CDK13: variants seen among roughly 807,000 people sequenced by gnomAD.
The protein encoded by CDK13 is cyclin dependent kinase 13, also known as cyclin-dependent kinase 13.
In CDK13, 40 loss-of-function variants were observed where a neutral mutation model predicts 137.6. The observed-to-expected ratio is 0.29, with a 90% confidence interval of 0.23 to 0.38. CDK13 has a LOEUF of 0.38. Ranked by LOEUF, CDK13 falls within the 10% of genes least tolerant of loss-of-function variation. The pLI, the probability that CDK13 is intolerant of heterozygous loss-of-function variation, is 1.00. For synonymous variants in CDK13, 869 were observed against 760.1 expected, an observed-to-expected ratio of 1.14 and a Z score of -2.36; for missense variants, 1,704 against 1,951.8, an observed-to-expected ratio of 0.87 and a Z score of 2.39.
chr7:40,029,152 C>T (rs888850484), intron 5 of CDK13, among the ~76,000 whole-genome samples: 1 of 151,780 alleles, frequency 6.6e-6, no homozygotes, highest in Admixed American at 6.6e-5. Flanking sequence ...AAAGGCTGGG[C>T]GTGGTGGCTC....
intron 5 of CDK13, among the ~76,000 whole-genome samples, chr7:40,035,055 T>G (rs942973341): frequency 6.6e-6 from 1 of 152,176 alleles, no homozygotes; most frequent in East Asian, 1.9e-4. Context: ...TAAAAATCAC[T>G]TATCTGTTCA....
In CDK13 at chr7:39,950,327, G is replaced by T. The variant is rs2116041544; in HGVS notation, c.-315G>T. The T allele has an allele frequency of 1.8e-6, 2 of 1,138,852 alleles. No homozygotes were observed. The highest frequency in any genetic ancestry group is 2.2e-6 in the Non-Finnish European group (2 of 928,890). 70.5% of individuals were successfully genotyped at this position (1,138,852 alleles called of 1,614,324 possible). A position where few individuals can be genotyped will look rare whatever the true frequency, so the allele number is the denominator to read the frequency against. ...CCCCCACCCCCGGGGGCACTTGGAG[G>T]ACTCGGGACTCCCCCGCAGGTCAGC... On this transcript the variant is annotated 5_prime_UTR_variant, in exon 1 of 14. Coordinates refer to ENST00000181839, the MANE Select transcript of CDK13 (RefSeq NM_003718.5).
intron 2 of CDK13, among the ~76,000 whole-genome samples, chr7:39,995,847 G>C (rs1583963608): frequency 6.6e-6 from 1 of 151,808 alleles, no homozygotes; most frequent in South Asian, 2.1e-4. Flanking sequence ...ATCTCTACTA[G>C]AAATACAAAA....
At chr7:39,981,212 AC>A (rs1784215402) in intron 1 of CDK13, among the ~76,000 whole-genome samples, 1 of 152,024 alleles carries the variant, frequency 6.6e-6, no homozygotes, top group Non-Finnish European at 1.5e-5. Context: ...TGCAAAACAT[AC>A]AAAAATTAGT....
intron 9 of CDK13, among the ~76,000 whole-genome samples, chr7:40,073,893 C>CT (rs949573205): frequency 7.1e-6 from 1 of 140,034 alleles, no homozygotes; most frequent in African/African-American, 2.6e-5. Context: ...CCTGGCCTTT[C>CT]TTTTTTTCCT....
intron 9 of CDK13, among the ~76,000 whole-genome samples, chr7:40,065,344 A>G (rs1271374105): frequency 1.3e-5 from 2 of 152,176 alleles, no homozygotes; most frequent in Non-Finnish European, 2.9e-5. Context: ...TGGATTAAAG[A>G]GAAATCAAAC....
chr7:40,024,774 C>T (rs934841973), intron 5 of CDK13, among the ~76,000 whole-genome samples: 1 of 149,468 alleles, frequency 6.7e-6, no homozygotes, highest in Non-Finnish European at 1.5e-5. Context: ...AGCGATTCCC[C>T]TGCGTCTACC....
chr7:40,050,260 C>T (rs1027845682), intron 7 of CDK13, among the ~76,000 whole-genome samples: 29 of 152,096 alleles, frequency 1.9e-4, no homozygotes, highest in Non-Finnish European at 2.9e-4. Flanking sequence ...GTTTTCAATT[C>T]GCAATTTTTT....
At chr7:40,060,681 TA>T (rs1407847488) in intron 7 of CDK13, 1 of 152,190 alleles carries the variant, frequency 6.6e-6, no homozygotes, top group Non-Finnish European at 1.5e-5. Flanking sequence ...ATATTATTAA[TA>T]GAGATTAGAC....
intron 1 of CDK13, among the ~76,000 whole-genome samples, chr7:39,964,065 A>G (rs1007199177): frequency 3.3e-5 from 5 of 152,198 alleles, no homozygotes; most frequent in African/African-American, 1.2e-4. Flanking sequence ...CATCAGGGAT[A>G]TTGGTCTAAA....
At chr7:39,961,264 G>A (rs1373380882) in intron 1 of CDK13, among the ~76,000 whole-genome samples, 1 of 152,154 alleles carries the variant, frequency 6.6e-6, no homozygotes, top group East Asian at 1.9e-4. Flanking sequence ...GGAGACTGAG[G>A]CAGCAGAATA....
At position 39,951,481 on chromosome 7, in the gene CDK13, C is replaced by T. The variant is rs1029169757; in HGVS notation, c.840C>T (p.Arg280=). The T allele has an allele frequency of 3.9e-6, 6 of 1,538,454 alleles. No individual in the cohort carries two copies. Among genetic ancestry groups the T allele is most frequent in the African/African-American group, 1.4e-5 (1 of 71,460 alleles). ...SRKDRDSKAH[R]SRTKSSKEPP... is the part of the protein sequence containing the mutation. ...AGGACCGGGACTCGAAGGCCCACCG[C>T]AGCCGGACTAAGTCGTCCAAGGAGC... is the stretch of plus-strand genomic sequence containing the variant. Residue 280 remains arginine (R), a synonymous_variant, in exon 1 of 14, where the codon CGC becomes CGT. Transcript: ENST00000181839.
intron 5 of CDK13, chr7:40,002,385 T>C (rs1417679450): frequency 6.3e-6 from 1 of 159,408 alleles, no homozygotes; most frequent in Non-Finnish European, 1.4e-5. Context: ...CCTTAACATA[T>C]AAGGAAACTT....
chr7:40,038,064 A>G (rs1404696165), intron 5 of CDK13, among the ~76,000 whole-genome samples: 1 of 152,174 alleles, frequency 6.6e-6, no homozygotes, highest in Non-Finnish European at 1.5e-5. Flanking sequence ...CAAACTCTAA[A>G]CTATAAAACA....
chr7:40,055,306 A>C (rs1233170955), intron 7 of CDK13, among the ~76,000 whole-genome samples: 1 of 152,084 alleles, frequency 6.6e-6, no homozygotes, highest in East Asian at 1.9e-4. Context: ...TTTATTTGAT[A>C]ACATCTAAGA....
intron 1 of CDK13, chr7:39,985,877 G>A (rs1009546653): frequency 1.3e-5 from 2 of 152,190 alleles, no homozygotes; most frequent in African/African-American, 2.4e-5. Context: ...GAGCTGTGAA[G>A]AGGGTGCCTC....
chr7:40,067,333 C>T (rs1406040412), intron 9 of CDK13: 1 of 149,954 alleles, frequency 6.7e-6, no homozygotes, highest in African/African-American at 2.5e-5. Context: ...ATCACTTGAG[C>T]CCAGGAGTTC....
At chr7:40,086,513 G>T (rs568605709) in intron 11 of CDK13, among the ~76,000 whole-genome samples, 1 of 152,146 alleles carries the variant, frequency 6.6e-6, no homozygotes, top group East Asian at 1.9e-4. Flanking sequence ...ATTAGGGTAA[G>T]AAGAAAGCAT....
Position 39,980,385 on chromosome 7 carries a change from CAAG to C in CDK13, c.1212-7213_1212-7211del, listed in dbSNP as rs542751812. The stretch of plus-strand genomic sequence containing the variant: ...GATTAGAGTGGAAGAAAATTTGAAA[CAAG>C]GAGATGAATTTAAGAGGCTACCACA... On this transcript the variant is annotated intron_variant, in intron 1 of 13. Transcript: ENST00000181839. Among the ~76,000 whole-genome samples the C allele has an allele frequency of 1.6e-3, 249 of 152,172 alleles. 1 individual carries two copies. The highest frequency in any genetic ancestry group is 5.1e-3 in the African/African-American group (210 of 41,522).
Sources: gnomAD v4.1 joint callset for allele counts (sites outside exome capture counted in the v4.1 genomes callset) on GRCh38, gnomAD v4.1.1 for gene constraint, MANE v1.5 for transcripts, NCBI Gene and HGNC (gene_info 2026-07-23, HGNC 2026-07-21) for gene names.